DRAM1: variants seen among roughly 807,000 people sequenced by gnomAD.
DRAM1 encodes the protein DNA damage-regulated autophagy modulator protein 1.
A neutral mutation model predicts 28.5 loss-of-function variants in DRAM1; 25 were observed. That is an observed-to-expected ratio of 0.88 (90% CI 0.64 to 1.23). The LOEUF is 1.23. Ranked by LOEUF, DRAM1 falls within the 50% of genes most tolerant of loss-of-function variation. DRAM1 has a pLI of 0.00. For missense variants in DRAM1, 249 were observed against 299.2 expected, an observed-to-expected ratio of 0.83 and a Z score of 1.24; for synonymous variants, 113 against 114.2, an observed-to-expected ratio of 0.99 and a Z score of 0.07.
At chr12:101,899,466 G>T (rs1311238239) in intron 2 of DRAM1, among the ~76,000 whole-genome samples, 1 of 151,870 alleles carries the variant, frequency 6.6e-6, no homozygotes, top group African/African-American at 2.4e-5. Flanking sequence ...GACCAGCCTG[G>T]GCAATGTAGT....
At chr12:101,890,045 A>G (rs1407284378) in intron 1 of DRAM1, 5 of 453,042 alleles carry the variant, frequency 1.1e-5, no homozygotes, top group African/African-American at 8.1e-5. Context: ...GGAAGTGTTC[A>G]TTTCTAATTT....
At chr12:101,894,689 A>G (rs953658340) in intron 1 of DRAM1, among the ~76,000 whole-genome samples, 12 of 152,206 alleles carry the variant, frequency 7.9e-5, no homozygotes, top group Non-Finnish European at 2.9e-5. Context: ...TGCCATCAAT[A>G]GACAGAGTCC....
intron 1 of DRAM1, among the ~76,000 whole-genome samples, chr12:101,884,464 T>C (rs558201618): frequency 2.2e-4 from 33 of 152,286 alleles, no homozygotes; most frequent in African/African-American, 7.7e-4. Flanking sequence ...TATCAAATTA[T>C]TAACTTTTTC....
intron 1 of DRAM1, among the ~76,000 whole-genome samples, chr12:101,896,190 A>G (rs1433052451): frequency 1.3e-5 from 2 of 152,228 alleles, no homozygotes; most frequent in Non-Finnish European, 2.9e-5. Flanking sequence ...GCCCGGCCCT[A>G]TTAACTTCTT....
At chr12:101,897,584 C>G (rs767992394) in intron 1 of DRAM1, among the ~76,000 whole-genome samples, 15 of 151,636 alleles carry the variant, frequency 9.9e-5, no homozygotes, top group Non-Finnish European at 2.1e-4. Flanking sequence ...GAACACATAC[C>G]AAGGTTAGTG....
rs370669664 is a variant in DRAM1 at position 101,879,288 on chromosome 12, G to A, written c.131+1368G>A. 3.9e-5 allele frequency among the ~76,000 whole-genome samples: 6 copies of A among 152,162 alleles called. No individual in the cohort carries two copies. In the East Asian group the frequency reaches 7.7e-4, roughly 20 times the overall value. Reference sequence around the variant, plus strand: ...GCTAGGATTACAGGTGTGAGCCAGTGTTCCCAGGGAACCAGCATTTACAAG... The same window carrying A: ...GCTAGGATTACAGGTGTGAGCCAGTATTCCCAGGGAACCAGCATTTACAAG... On this transcript the variant is annotated intron_variant, in intron 1 of 6. Coordinates refer to ENST00000258534, the MANE Select transcript of DRAM1 (RefSeq NM_018370.3).
intron 1 of DRAM1, among the ~76,000 whole-genome samples, chr12:101,883,138 A>G (rs1320137664): frequency 6.6e-6 from 1 of 151,166 alleles, no homozygotes; most frequent in Non-Finnish European, 1.5e-5. Flanking sequence ...GTTAGTTAAG[A>G]AAAAAGAGGA....
At chr12:101,888,953 T>A (rs908398048) in intron 1 of DRAM1, among the ~76,000 whole-genome samples, 6 of 151,670 alleles carry the variant, frequency 4.0e-5, no homozygotes, top group African/African-American at 1.2e-4. Context: ...TACAGGAACA[T>A]GTCACCATGC....
chr12:101,908,592 G>A (rs977535100), intron 4 of DRAM1, among the ~76,000 whole-genome samples: 2 of 152,056 alleles, frequency 1.3e-5, no homozygotes, highest in Admixed American at 1.3e-4. Context: ...AAGGATGAGG[G>A]GGAATTCTGG....
At chr12:101,897,263 G>T (rs1873413694) in intron 1 of DRAM1, among the ~76,000 whole-genome samples, 1 of 151,818 alleles carries the variant, frequency 6.6e-6, no homozygotes, top group South Asian at 2.1e-4. Flanking sequence ...GCAGTGGCAT[G>T]ATCTCGGCTC....
intron 5 of DRAM1, among the ~76,000 whole-genome samples, chr12:101,918,827 C>A (rs1304244205): frequency 6.6e-6 from 1 of 152,122 alleles, no homozygotes; most frequent in Non-Finnish European, 1.5e-5. Flanking sequence ...AGAGGGGGCA[C>A]ACTGACAGTC....
chr12:101,881,569 C>T (rs1461145500), intron 1 of DRAM1, among the ~76,000 whole-genome samples: 1 of 152,028 alleles, frequency 6.6e-6, no homozygotes, highest in African/African-American at 2.4e-5. Context: ...ACCACGCTGG[C>T]CTTGTGTCTT....
At chr12:101,920,292 A>ATTTTTTTTTTT in intron 6 of DRAM1, 91 bp downstream of exon 6, 2 of 327,284 alleles carry the variant, frequency 6.1e-6, no homozygotes, top group Non-Finnish European at 8.5e-6. Flanking sequence ...TAAAAAGAGC[A>ATTTTTTTTTTT]CTTTCTTTTT....
At chr12:101,884,159 G>C (rs532638937) in intron 1 of DRAM1, among the ~76,000 whole-genome samples, 2 of 151,988 alleles carry the variant, frequency 1.3e-5, no homozygotes, top group East Asian at 3.9e-4. Context: ...GGCTGAAGTG[G>C]GCTGATCACT....
At chr12:101,920,683 G>A (rs1410475878) in intron 6 of DRAM1, among the ~76,000 whole-genome samples, 1 of 152,090 alleles carries the variant, frequency 6.6e-6, no homozygotes, top group Non-Finnish European at 1.5e-5. Context: ...AGGCCGAGGC[G>A]GGCAGATCAC....
intron 4 of DRAM1, among the ~76,000 whole-genome samples, 187 bp downstream of exon 4, chr12:101,908,550 C>T (rs1338683981): frequency 6.6e-6 from 1 of 152,028 alleles, no homozygotes; most frequent in South Asian, 2.1e-4. Flanking sequence ...AGGATGAGGT[C>T]AGTGAATGGA....
chr12:101,920,293 C>CTTTATTTT, intron 6 of DRAM1, 92 bp downstream of exon 6: 6 of 262,164 alleles, frequency 2.3e-5, no homozygotes, highest in East Asian at 8.4e-5. Flanking sequence ...AAAAAGAGCA[C>CTTTATTTT]TTTCTTTTTT....
intron 5 of DRAM1, among the ~76,000 whole-genome samples, chr12:101,917,439 A>G (rs1594313771): frequency 6.6e-6 from 1 of 152,096 alleles, no homozygotes; most frequent in South Asian, 2.1e-4. Flanking sequence ...TGTAATTCCA[A>G]CACTTTGGGA....
intron 1 of DRAM1, among the ~76,000 whole-genome samples, chr12:101,889,675 T>C (rs7962940): frequency 0.66 from 100,171 of 152,066 alleles, 34,697 homozygotes; most frequent in East Asian, 0.91. Context: ...CGTGGTGGCT[T>C]ACGCCTGTAA....
Sources: allele counts gnomAD v4.1 joint callset (sites outside exome capture counted in the v4.1 genomes callset), GRCh38; gene constraint gnomAD v4.1.1; transcripts MANE v1.5; gene names NCBI Gene and HGNC (gene_info 2026-07-23, HGNC 2026-07-21).